KIAA1958: variants seen among roughly 807,000 people sequenced by gnomAD.
KIAA1958 encodes KIAA1958.
Under a neutral mutation model 47.2 loss-of-function variants are expected in KIAA1958, and 14 were observed. The observed-to-expected ratio is 0.30, with a 90% confidence interval of 0.20 to 0.46. The LOEUF (loss-of-function observed/expected upper bound fraction) is 0.46, where lower values mean the gene tolerates loss of function less well. KIAA1958 is among the 20% of genes least tolerant of loss of function. The pLI, the probability that KIAA1958 is intolerant of heterozygous loss-of-function variation, is 1.00. For synonymous variants in KIAA1958, 354 were observed against 353.3 expected, an observed-to-expected ratio of 1.00 and a Z score of -0.02; for missense variants, 803 against 909.2, an observed-to-expected ratio of 0.88 and a Z score of 1.50.
At chr9:112,518,482 T>G (rs1003465548) in intron 1 of KIAA1958, among the ~76,000 whole-genome samples, 2 of 152,232 alleles carry the variant, frequency 1.3e-5, no homozygotes, top group Admixed American at 6.5e-5. Flanking sequence ...TACCATATGA[T>G]TCTATTTATT....
At position 112,506,770 on chromosome 9, in the gene KIAA1958, C is replaced by T. The variant is rs979588654; in HGVS notation, c.-25+19652C>T. On this transcript the variant is annotated intron_variant, in intron 1 of 3. Transcript: ENST00000337530. ...TAGAGTCTGCAGTGTTTCTGCCACA[C>T]TAGCTTTATTAGAAAGTTTTTGCCT... Among the ~76,000 whole-genome samples the T allele has an allele frequency of 2.0e-5, 3 of 151,822 alleles. No individual in the cohort carries two copies. In the East Asian group the frequency reaches 5.8e-4, roughly 29 times the overall value.
At chr9:112,582,015 G>A (rs574195524) in intron 2 of KIAA1958, 1 of 247,726 alleles carries the variant, frequency 4.0e-6, no homozygotes, top group South Asian at 6.0e-5. Flanking sequence ...CAGTTGAGCA[G>A]CCCTATTACC....
chr9:112,579,798 C>T (rs1178629547), intron 2 of KIAA1958, among the ~76,000 whole-genome samples: 2 of 152,142 alleles, frequency 1.3e-5, no homozygotes, highest in Non-Finnish European at 2.9e-5. Flanking sequence ...GTTATTTGAT[C>T]TGTGTTGACA....
chr9:112,500,082 G>C (rs2132764026), intron 1 of KIAA1958, among the ~76,000 whole-genome samples: 1 of 152,054 alleles, frequency 6.6e-6, no homozygotes, highest in South Asian at 2.1e-4. Context: ...CAGAAGTTTA[G>C]GGGTTTTCCT....
intron 2 of KIAA1958, among the ~76,000 whole-genome samples, chr9:112,604,735 C>G: frequency 6.6e-6 from 1 of 151,928 alleles, no homozygotes; most frequent in Non-Finnish European, 1.5e-5. Context: ...TTCTCCCCTT[C>G]TTATCATACT....
chr9:112,520,114 T>C (rs1037371652), intron 1 of KIAA1958, among the ~76,000 whole-genome samples: 1 of 152,196 alleles, frequency 6.6e-6, no homozygotes, highest in Non-Finnish European at 1.5e-5. Context: ...ATGGATTAAA[T>C]TGGTTAGTAG....
intron 1 of KIAA1958, among the ~76,000 whole-genome samples, chr9:112,502,862 C>T (rs980085217): frequency 6.6e-6 from 1 of 152,190 alleles, no homozygotes; most frequent in African/African-American, 2.4e-5. Context: ...AAAAGATTGG[C>T]AGTGACCGAT....
intron 1 of KIAA1958, among the ~76,000 whole-genome samples, chr9:112,516,355 G>A (rs1158930709): frequency 6.6e-6 from 1 of 151,682 alleles, no homozygotes; most frequent in Non-Finnish European, 1.5e-5. Flanking sequence ...AATACCATTT[G>A]TAATAGCATC....
chr9:112,520,048 G>A (rs1049791829), intron 1 of KIAA1958, among the ~76,000 whole-genome samples: 2 of 152,136 alleles, frequency 1.3e-5, no homozygotes, highest in African/African-American at 4.8e-5. Flanking sequence ...TAAGTTTTGT[G>A]TGTATGGGAA....
chr9:112,568,190 T>G (rs144309574), intron 1 of KIAA1958, among the ~76,000 whole-genome samples: 1 of 152,284 alleles, frequency 6.6e-6, no homozygotes, highest in South Asian at 2.1e-4. Context: ...ATAACAGTTA[T>G]GAGCAGATGA....
intron 1 of KIAA1958, among the ~76,000 whole-genome samples, chr9:112,562,083 T>C (rs1450278685): frequency 2.6e-5 from 4 of 152,220 alleles, no homozygotes; most frequent in African/African-American, 9.6e-5. Flanking sequence ...CTGAGTGCAC[T>C]GTGCTGTATT....
rs760591357 is a variant in KIAA1958 at position 112,618,883 on chromosome 9, C to T, written c.1172-26767C>T. On this transcript the variant is annotated intron_variant, in intron 2 of 3. Transcript: ENST00000337530. The surrounding 1 kb of genome is among the most constrained non-coding windows in gnomAD (Gnocchi z 7.1). ...CCAACAATGGCAATTTCATCGTCTCCGCCTCCTATGACTCTTCCTCAGACA... is the reference window on the plus strand; with the variant it reads ...CCAACAATGGCAATTTCATCGTCTCTGCCTCCTATGACTCTTCCTCAGACA... 7.5e-5 allele frequency: 116 copies of T among 1,547,588 alleles called. 1 individual carries two copies. The Middle Eastern group carries it at 8.4e-4, about 11-fold the overall frequency.
rs555090058 is a variant in KIAA1958 at position 112,566,381 on chromosome 9, A to G, written c.-24-7676A>G. Among the ~76,000 whole-genome samples the G allele has an allele frequency of 3.9e-5, 6 of 152,270 alleles. No individual in the cohort carries two copies. The South Asian group carries it at 1.2e-3, about 32-fold the overall frequency. On this transcript the variant is annotated intron_variant, in intron 1 of 3. Transcript: ENST00000337530. ...TTGTATAGTAGCTTCTACCTGGTTA[A>G]TAGGTTCTTTAGAGTTCTCCCCGCC...
At position 112,659,833 on chromosome 9, in the gene KIAA1958, A is replaced by T; in HGVS notation, c.1915A>T (p.Ile639Phe). Residue 639 changes from isoleucine (I) to phenylalanine (F), a missense_variant, in exon 4 of 4, where the codon ATC becomes TTC. Around this residue, in one of 2 missense-constraint regions of KIAA1958, gnomAD observed 761 missense variants for 829.3 expected, o/e 0.92. Transcript: ENST00000337530. Reference sequence around the variant, plus strand: ...CTGCCTCCTCTACAAGTACATGTACATCCACCGGCCGCCCACCCAAATGGA... The same window carrying T: ...CTGCCTCCTCTACAAGTACATGTACTTCCACCGGCCGCCCACCCAAATGGA... ...PYCLLYKYMY[I>F]HRPPTQMEAK... The T allele has an allele frequency of 1.2e-6, 2 of 1,614,162 alleles. No individual in the cohort carries two copies. The highest frequency in any genetic ancestry group is 1.7e-6 in the Non-Finnish European group (2 of 1,180,020).
intron 1 of KIAA1958, among the ~76,000 whole-genome samples, chr9:112,568,935 C>CAAAAA (rs1835481168): frequency 5.6e-3 from 16 of 2,840 alleles, no homozygotes; most frequent in Admixed American, 9.3e-3. Context: ...AATAGGAAAA[C>CAAAAA]TAAAAAAAAA....
At chr9:112,634,261 T>C (rs1216806610) in intron 2 of KIAA1958, among the ~76,000 whole-genome samples, 1 of 152,220 alleles carries the variant, frequency 6.6e-6, no homozygotes, top group Non-Finnish European at 1.5e-5. Flanking sequence ...GGAGTTTTGC[T>C]CTTGTTGCCC....
chr9:112,524,078 C>G (rs1208755722), intron 1 of KIAA1958, among the ~76,000 whole-genome samples: 1 of 152,188 alleles, frequency 6.6e-6, no homozygotes, highest in Non-Finnish European at 1.5e-5. Flanking sequence ...CCATCTATAT[C>G]TCCACATACC....
intron 1 of KIAA1958, among the ~76,000 whole-genome samples, chr9:112,494,494 T>G (rs1311721179): frequency 2.0e-5 from 3 of 152,038 alleles, no homozygotes; most frequent in Non-Finnish European, 4.4e-5. Context: ...TTTTTTTTTT[T>G]GACAGTCTCT....
At chr9:112,530,527 TA>T (rs971024628) in intron 1 of KIAA1958, among the ~76,000 whole-genome samples, 46 of 152,346 alleles carry the variant, frequency 3.0e-4, no homozygotes, top group Admixed American at 2.5e-3. Flanking sequence ...ATTTTTTCAT[TA>T]TTGGATTGGT....
Sources: allele counts gnomAD v4.1 joint callset (sites outside exome capture counted in the v4.1 genomes callset), GRCh38; gene constraint gnomAD v4.1.1; regional missense constraint gnomAD v4.1.1; non-coding constraint Gnocchi (gnomAD v3.1); transcripts MANE v1.5; gene names NCBI Gene and HGNC (gene_info 2026-07-23, HGNC 2026-07-21).